Variants in CREB5 observed in about 807,000 individuals in gnomAD.
The protein encoded by CREB5 is cAMP responsive element binding protein 5.
Under a neutral mutation model 57.1 loss-of-function variants are expected in CREB5, and 19 were observed. The observed-to-expected ratio is 0.33, with a 90% CI of 0.23 to 0.49. The LOEUF (loss-of-function observed/expected upper bound fraction) is 0.49. Among genes scored for constraint, CREB5 ranks in the 20% least tolerant of loss-of-function variants. CREB5 has a pLI of 0.99. For missense variants in CREB5, 579 were observed against 671.6 expected (o/e 0.86, Z 1.52); for synonymous variants, 238 against 238.3 (o/e 1.00, Z 0.01).
intron 1 of CREB5, among the ~76,000 whole-genome samples, chr7:28,377,773 C>CA (rs899688105): frequency 3.1e-4 from 46 of 149,548 alleles, no homozygotes; most frequent in East Asian, 7.8e-4. Context: ...ACTAAAAATA[C>CA]AAAAAAAAAT....
chr7:28,803,510 G>A (rs563641986), intron 7 of CREB5, among the ~76,000 whole-genome samples: 2 of 152,264 alleles, frequency 1.3e-5, no homozygotes, highest in Admixed American at 6.5e-5. Flanking sequence ...TGTAATCCCA[G>A]CACTTTAGGA....
intron 5 of CREB5, among the ~76,000 whole-genome samples, chr7:28,712,721 A>G (rs1802467303): frequency 6.6e-6 from 1 of 151,484 alleles, no homozygotes; most frequent in Non-Finnish European, 1.5e-5. Context: ...TTTAGCAGAG[A>G]TGGGGTTTCA....
intron 5 of CREB5, among the ~76,000 whole-genome samples, chr7:28,597,940 T>C (rs1583686868): frequency 6.6e-6 from 1 of 152,116 alleles, no homozygotes; most frequent in Non-Finnish European, 1.5e-5. Context: ...GAAATATATA[T>C]GTATATATTT....
chr7:28,577,483 G>A (rs961747286), intron 5 of CREB5, among the ~76,000 whole-genome samples: 3 of 152,148 alleles, frequency 2.0e-5, no homozygotes, highest in Non-Finnish European at 2.9e-5. Flanking sequence ...CTCTTTGTCA[G>A]GTGCTGTTTA....
intron 4 of CREB5, among the ~76,000 whole-genome samples, chr7:28,534,091 GGGCCTCA>G (rs1358807676): frequency 6.6e-6 from 1 of 152,126 alleles, no homozygotes. Flanking sequence ...CAGACCCACA[GGGCCTCA>G]GGCCTCAGGA....
chr7:28,319,801 A>G (rs545820808), intron 1 of CREB5, among the ~76,000 whole-genome samples: 1 of 152,188 alleles, frequency 6.6e-6, no homozygotes, highest in African/African-American at 2.4e-5. Context: ...TTAATTGATG[A>G]AAACTCTAGG....
At chr7:28,591,732 TA>T (rs1479001182) in intron 5 of CREB5, among the ~76,000 whole-genome samples, 1 of 152,172 alleles carries the variant, frequency 6.6e-6, no homozygotes, top group African/African-American at 2.4e-5. Context: ...AAGGGAAGAC[TA>T]TATGGCCTAT....
intron 7 of CREB5, among the ~76,000 whole-genome samples, chr7:28,802,250 G>T (rs944098094): frequency 6.6e-6 from 1 of 152,024 alleles, no homozygotes; most frequent in Admixed American, 6.6e-5. Context: ...TACCGAATCG[G>T]GATGACAAAA....
intron 1 of CREB5, among the ~76,000 whole-genome samples, chr7:28,375,684 A>T (rs918304467): frequency 1.3e-5 from 2 of 151,938 alleles, no homozygotes; most frequent in African/African-American, 4.8e-5. Context: ...GTCAACAAAG[A>T]TACAGCTGTT....
chr7:28,363,476 C>T (rs1337633495), intron 1 of CREB5, among the ~76,000 whole-genome samples: 2 of 151,950 alleles, frequency 1.3e-5, no homozygotes, highest in Non-Finnish European at 2.9e-5. Context: ...GTCCATTCTT[C>T]GAAGACCATC....
intron 1 of CREB5, among the ~76,000 whole-genome samples, chr7:28,393,391 ATC>A (rs1180567003): frequency 6.6e-6 from 1 of 152,156 alleles, no homozygotes; most frequent in Non-Finnish European, 1.5e-5. Flanking sequence ...ATTTCTGCCC[ATC>A]TCTCTACTCA....
chr7:28,814,791 A>G (rs137876045), intron 9 of CREB5, among the ~76,000 whole-genome samples: 55 of 152,238 alleles, frequency 3.6e-4, no homozygotes, highest in African/African-American at 1.3e-3. Context: ...TCCTTTTCCT[A>G]CTGGATGCTG....
Position 28,494,956 on chromosome 7 carries a change from G to T in CREB5, c.126G>T (p.Met42Ile), listed in dbSNP as rs745795118. 6.2e-7 allele frequency: 1 copy of T among 1,608,570 alleles called. No homozygotes were observed. The highest frequency in any genetic ancestry group is 8.5e-7 in the Non-Finnish European group (1 of 1,178,892). The stretch of plus-strand genomic sequence containing the variant: ...TGATTCATAGGCACAAACATGAAAT[G>T]ACTTTGAAGTTTCCTTCAATAAAAA... ...HLMIHRHKHE[M>I]TLKFPSIKTD... Residue 42 changes from methionine (M) to isoleucine (I), a missense_variant, in exon 3 of 11, where the codon ATG becomes ATT. Met to Ile is a conservative substitution (Grantham distance 10, BLOSUM62 1). Around this residue, in one of 3 missense-constraint regions of CREB5, gnomAD observed 459 missense variants for 515.7 expected, o/e 0.89. Coordinates refer to ENST00000357727, the MANE Select transcript of CREB5 (RefSeq NM_182898.4).
intron 1 of CREB5, among the ~76,000 whole-genome samples, chr7:28,442,848 T>C (rs1280878662): frequency 1.3e-5 from 2 of 152,238 alleles, no homozygotes; most frequent in Non-Finnish European, 1.5e-5. Context: ...AGTCACATTT[T>C]CTATTACATT....
chr7:28,306,324 T>C (rs1039147077), intron 1 of CREB5, among the ~76,000 whole-genome samples: 2 of 152,298 alleles, frequency 1.3e-5, no homozygotes, highest in African/African-American at 4.8e-5. Flanking sequence ...GAAGGGATAA[T>C]AGCTTGTGAA....
At chr7:28,756,556 C>T (rs1196807253) in intron 7 of CREB5, among the ~76,000 whole-genome samples, 1 of 100,280 alleles carries the variant, frequency 1.0e-5, no homozygotes, top group Non-Finnish European at 2.4e-5. Flanking sequence ...AATTCCATCT[C>T]CAAAAAAAAA....
intron 7 of CREB5, among the ~76,000 whole-genome samples, chr7:28,784,447 C>A (rs1262526417): frequency 1.3e-5 from 2 of 152,072 alleles, no homozygotes; most frequent in Admixed American, 1.3e-4. Context: ...CCACTCTAAC[C>A]CTTTCTCGGG....
intron 4 of CREB5, among the ~76,000 whole-genome samples, chr7:28,542,199 G>A (rs932525460): frequency 3.9e-5 from 6 of 152,108 alleles, no homozygotes; most frequent in African/African-American, 1.4e-4. Flanking sequence ...TGTTTTATGG[G>A]CAATTGAGGC....
chr7:28,472,911 C>G (rs1305590859), intron 1 of CREB5, among the ~76,000 whole-genome samples: 2 of 152,198 alleles, frequency 1.3e-5, no homozygotes, highest in Non-Finnish European at 2.9e-5. Flanking sequence ...GCCTTGCCAG[C>G]CTTCTTTCAG....
Sources: gnomAD v4.1 joint callset for allele counts (sites outside exome capture counted in the v4.1 genomes callset) on GRCh38, gnomAD v4.1.1 for gene constraint, gnomAD v4.1.1 regional missense constraint, MANE v1.5 for transcripts, NCBI Gene and HGNC (gene_info 2026-07-23, HGNC 2026-07-21) for gene names.